Variants in SCN8A observed in about 807,000 individuals in gnomAD.
The protein encoded by SCN8A is sodium voltage-gated channel alpha subunit 8, also known as sodium channel protein type 8 subunit alpha.
SCN8A carries 30 observed loss-of-function variants against 184.1 expected under a neutral mutation model. The observed-to-expected ratio is 0.16, with a 90% CI of 0.12 to 0.22. SCN8A has a LOEUF of 0.22. Among genes scored for constraint, SCN8A ranks in the 10% least tolerant of loss-of-function variants. The pLI, the probability that SCN8A is intolerant of heterozygous loss-of-function variation, is 1.00. For missense variants in SCN8A, 1,057 were observed against 2,498.9 expected (o/e 0.42, Z 12.30); for synonymous variants, 852 against 907.0 (o/e 0.94, Z 1.09).
chr12:51,759,147 C>T (rs1190164060), intron 14 of SCN8A, among the ~76,000 whole-genome samples: 1 of 151,748 alleles, frequency 6.6e-6, no homozygotes, highest in Non-Finnish European at 1.5e-5. Flanking sequence ...TTGATATTGG[C>T]CTTGCAGGTC....
chr12:51,658,971 G>C (rs1313132271), intron 1 of SCN8A, among the ~76,000 whole-genome samples: 1 of 152,066 alleles, frequency 6.6e-6, no homozygotes, highest in Non-Finnish European at 1.5e-5. Context: ...CTCTGACCCA[G>C]CATTCCACTC....
chr12:51,606,356 C>T (rs891971197), intron 1 of SCN8A, among the ~76,000 whole-genome samples: 11 of 152,130 alleles, frequency 7.2e-5, no homozygotes, highest in South Asian at 2.1e-4. Flanking sequence ...GTCTATTCCC[C>T]GCTTACGTTT....
rs183197338 is a variant in SCN8A at position 51,636,854 on chromosome 12, A to G, written c.-54-25910A>G. 5.5e-4 allele frequency among the ~76,000 whole-genome samples: 84 copies of G among 152,372 alleles called. No homozygotes were observed. In the Middle Eastern group the frequency reaches 0.02, roughly 37 times the overall value. ...TAACCAAGTAAGCAAAATGAAATAC[A>G]TAAATATAAAACGATACAGGCATAC... On this transcript the variant is annotated intron_variant, in intron 1 of 26. Transcript: ENST00000627620.
chr12:51,789,388 C>T lies in SCN8A; in HGVS notation c.4389C>T (p.Ile1463=). ...CCCTGAACCTGTTCATTGGTGTCATCATTGATAACTTCAATCAACAAAAGA... is the reference window on the plus strand; with the variant it reads ...CCCTGAACCTGTTCATTGGTGTCATTATTGATAACTTCAATCAACAAAAGA... ...FFTLNLFIGV[I]IDNFNQQKKK... Residue 1463 remains isoleucine, a synonymous_variant, in exon 24 of 27, where the codon ATC becomes ATT. Coordinates refer to ENST00000627620, the MANE Select transcript of SCN8A (RefSeq NM_001330260.2). 6.2e-7 allele frequency: 1 copy of T among 1,614,046 alleles called. No homozygotes were observed. The highest frequency in any genetic ancestry group is 1.1e-5 in the South Asian group (1 of 91,064).
chr12:51,691,898 G>C (rs1941515825), intron 6 of SCN8A, among the ~76,000 whole-genome samples: 1 of 152,128 alleles, frequency 6.6e-6, no homozygotes, highest in African/African-American at 2.4e-5. Flanking sequence ...TCCCATAGAG[G>C]GCTGTTGTGC....
At chr12:51,719,920 C>T (rs146186682) in intron 11 of SCN8A, among the ~76,000 whole-genome samples, 5,792 of 151,572 alleles carry the variant, frequency 0.038, 87 homozygotes, top group Non-Finnish European at 0.058. Flanking sequence ...ACTAAAAATA[C>T]AAAAAATTAG....
intron 2 of SCN8A, among the ~76,000 whole-genome samples, chr12:51,670,918 A>G (rs1323452582): frequency 6.6e-6 from 1 of 152,200 alleles, no homozygotes; most frequent in Non-Finnish European, 1.5e-5. Flanking sequence ...GACAAGCCAT[A>G]TACATTGTTG....
chr12:51,625,009 TC>T (rs1309482239), intron 1 of SCN8A, among the ~76,000 whole-genome samples: 3 of 152,130 alleles, frequency 2.0e-5, no homozygotes, highest in Non-Finnish European at 4.4e-5. Flanking sequence ...CTACATCCTA[TC>T]CTGGGATTCC....
intron 1 of SCN8A, among the ~76,000 whole-genome samples, chr12:51,636,296 G>A (rs1041041824): frequency 3.9e-5 from 6 of 152,092 alleles, no homozygotes; most frequent in Admixed American, 6.6e-5. Context: ...GCGCCTGGCC[G>A]AGTATTTGTT....
chr12:51,704,742 A>G (rs1159168692), intron 9 of SCN8A, among the ~76,000 whole-genome samples: 2 of 151,280 alleles, frequency 1.3e-5, no homozygotes, highest in Non-Finnish European at 2.9e-5. Context: ...TGGGAGGCCG[A>G]GGCGGGTGGA....
At chr12:51,773,829 G>A (rs1307486899) in intron 19 of SCN8A, among the ~76,000 whole-genome samples, 1 of 152,102 alleles carries the variant, frequency 6.6e-6, no homozygotes, top group Non-Finnish European at 1.5e-5. Flanking sequence ...AATCTAGAGA[G>A]AGAAAGTAGG....
At chr12:51,692,782 G>A (rs1424772826) in intron 6 of SCN8A, among the ~76,000 whole-genome samples, 1 of 152,194 alleles carries the variant, frequency 6.6e-6, no homozygotes, top group African/African-American at 2.4e-5. Flanking sequence ...GGGCTGACAT[G>A]CCCAAAGAAA....
chr12:51,663,270 T>C (rs1280933014), intron 2 of SCN8A, among the ~76,000 whole-genome samples, 177 bp downstream of exon 2: 1 of 152,184 alleles, frequency 6.6e-6, no homozygotes, highest in Non-Finnish European at 1.5e-5. Flanking sequence ...TCATTTGTGG[T>C]CTTGGCACTC....
At position 51,751,876 on chromosome 12, in the gene SCN8A, G is replaced by A. The variant is rs1307311185; in HGVS notation, c.2370+283G>A. On this transcript the variant is annotated intron_variant, in intron 14 of 26. Transcript: ENST00000627620. ...CTGGTACAGTGGGTTGGTTTCAGCAGCCTGAGCCAAGTACTTCTGGTTTTT... is the reference window on the plus strand; with the variant it reads ...CTGGTACAGTGGGTTGGTTTCAGCAACCTGAGCCAAGTACTTCTGGTTTTT... 1.4e-4 allele frequency among the ~76,000 whole-genome samples: 21 copies of A among 152,164 alleles called. 1 individual carries two copies. Among genetic ancestry groups the A allele is most frequent in the Non-Finnish European group, 1.5e-5 (1 of 68,038 alleles).
intron 24 of SCN8A, 124 bp from the exon 25 acceptor site, chr12:51,790,274 C>T (rs979283721): frequency 1.0e-5 from 6 of 594,856 alleles, no homozygotes; most frequent in Admixed American, 3.5e-5. Flanking sequence ...CACTCTGGGA[C>T]AGCTATTAGC....
At chr12:51,666,300 T>G (rs1390869066) in intron 2 of SCN8A, among the ~76,000 whole-genome samples, 2 of 152,200 alleles carry the variant, frequency 1.3e-5, no homozygotes, top group African/African-American at 4.8e-5. Flanking sequence ...CACAGGAATT[T>G]CATCTTCCAC....
chr12:51,721,081 TTATATATATATATATATA>T (rs58356368), intron 11 of SCN8A, among the ~76,000 whole-genome samples: 19 of 86,818 alleles, frequency 2.2e-4, no homozygotes, highest in African/African-American at 8.4e-4. Context: ...AAAAAAAAAA[TTATATATATATATATATA>T]TATATATAAT....
chr12:51,688,066 CTTTCTGTT>C (rs1941448504), intron 5 of SCN8A, among the ~76,000 whole-genome samples: 1 of 152,184 alleles, frequency 6.6e-6, no homozygotes, highest in Admixed American at 6.5e-5. Context: ...CTGAAACTGA[CTTTCTGTT>C]ATATAAAGGC....
intron 11 of SCN8A, among the ~76,000 whole-genome samples, chr12:51,718,303 G>T (rs1941998336): frequency 6.6e-6 from 1 of 152,086 alleles, no homozygotes; most frequent in Non-Finnish European, 1.5e-5. Flanking sequence ...GCAACATACA[G>T]ACCCCATCTC....
Sources: gnomAD v4.1 joint callset for allele counts (sites outside exome capture counted in the v4.1 genomes callset) on GRCh38, gnomAD v4.1.1 for gene constraint, MANE v1.5 for transcripts, NCBI Gene and HGNC (gene_info 2026-07-23, HGNC 2026-07-21) for gene names.